METTL8: variants seen among roughly 807,000 people sequenced by gnomAD.
METTL8 encodes the protein tRNA N(3)-cytidine methyltransferase METTL8, mitochondrial.
A neutral mutation model predicts 48.7 loss-of-function variants in METTL8; 32 were observed. The observed-to-expected ratio is 0.66, with a 90% CI of 0.50 to 0.88. The LOEUF is 0.88. METTL8 is among the 40% of genes least tolerant of loss of function. The pLI, the probability that METTL8 is intolerant of heterozygous loss-of-function variation, is 0.00. For synonymous variants in METTL8, 136 were observed against 157.1 expected, an observed-to-expected ratio of 0.87 and a Z score of 1.01; for missense variants, 464 against 474.4, an observed-to-expected ratio of 0.98 and a Z score of 0.20.
At position 171,324,379 on chromosome 2, in the gene METTL8, G is replaced by A; in HGVS notation, c.1034-17C>T. 6.5e-7 allele frequency: 1 copy of A among 1,548,696 alleles called. No homozygotes were observed. Among genetic ancestry groups the A allele is most frequent in the Non-Finnish European group, 8.7e-7 (1 of 1,145,708 alleles). On this transcript the variant is annotated splice_polypyrimidine_tract_variant and intron_variant, in intron 9 of 9. Transcript: ENST00000375258. ...GGACTTCCCCTGTGAGACAAAAATG[G>A]CAATAAAAGATATGACATGTGACTA...
intron 1 of METTL8, among the ~76,000 whole-genome samples, chr2:171,395,101 C>A (rs1334655488): frequency 6.6e-6 from 1 of 152,210 alleles, no homozygotes; most frequent in Non-Finnish European, 1.5e-5. Context: ...AGGTTTCTGC[C>A]ACCAGAATGA....
intron 2 of METTL8, among the ~76,000 whole-genome samples, chr2:171,376,769 G>T (rs966176704): frequency 6.6e-6 from 1 of 151,984 alleles, no homozygotes; most frequent in South Asian, 2.1e-4. Flanking sequence ...AAAAATTACC[G>T]TACTGCCAAA....
intron 1 of METTL8, among the ~76,000 whole-genome samples, chr2:171,426,277 G>A (rs113860372): frequency 0.01 from 1,545 of 152,174 alleles, 28 homozygotes; most frequent in African/African-American, 0.035. Context: ...AAACATGAAT[G>A]AATTACAGGT....
intron 7 of METTL8, among the ~76,000 whole-genome samples, chr2:171,328,016 G>A (rs1345076454): frequency 6.6e-6 from 1 of 152,116 alleles, no homozygotes. Context: ...CTGGGGTTGA[G>A]GATAAAGGCA....
chr2:171,398,778 G>C (rs1286734647), intron 1 of METTL8, among the ~76,000 whole-genome samples: 4 of 152,098 alleles, frequency 2.6e-5, no homozygotes, highest in Non-Finnish European at 4.4e-5. Flanking sequence ...CCACTTCACT[G>C]TGTATATGTA....
Position 171,317,121 on chromosome 2 carries a change from G to A in METTL8, c.*7051C>T, listed in dbSNP as rs922038948. On this transcript the variant is annotated 3_prime_UTR_variant, in exon 10 of 10. Transcript: ENST00000375258. ...CCACTAATGCAGTGGACTCAGCAGC[G>A]GGCTCATTGCTAATTTTAGGAAGTC... is the stretch of plus-strand genomic sequence containing the variant. Among the ~76,000 whole-genome samples the A allele has an allele frequency of 2.0e-5, 3 of 152,106 alleles. No individual in the cohort carries two copies. The highest frequency in any genetic ancestry group is 6.5e-5 in the Admixed American group (1 of 15,268).
At chr2:171,326,000 T>A (rs763719785) in intron 8 of METTL8, 42 bp downstream of exon 8, 42 of 1,374,428 alleles carry the variant, frequency 3.1e-5, no homozygotes, top group South Asian at 7.7e-5. Context: ...AAGGCATTCT[T>A]TAGAACATTT....
intron 2 of METTL8, among the ~76,000 whole-genome samples, chr2:171,361,415 G>T (rs1473556423): frequency 6.6e-6 from 1 of 152,102 alleles, no homozygotes; most frequent in Non-Finnish European, 1.5e-5. Context: ...TATGATATAT[G>T]TAGTAGTCAC....
chr2:171,324,133 C>A lies in METTL8; in HGVS notation c.*39G>T. ...TAGACTTACAGTAGTCCTTGAATAG[C>A]ACAGTCCTCTGGCTTTGTACCTTAA... On this transcript the variant is annotated 3_prime_UTR_variant, in exon 10 of 10. Coordinates refer to ENST00000375258, the MANE Select transcript of METTL8 (RefSeq NM_001321154.2). 1 of 1,399,466 alleles carries A rather than the reference C, an allele frequency of 7.1e-7. No homozygotes were observed. The highest frequency in any genetic ancestry group is 9.8e-7 in the Non-Finnish European group (1 of 1,021,620). The allele number at this position is 1,399,466 out of a possible 1,614,324, so 86.7% of individuals were successfully genotyped here.
chr2:171,317,545 A>T lies in METTL8; in HGVS notation c.*6627T>A, dbSNP rs1334502997. The T allele has an allele frequency of 6.6e-6, 1 of 152,260 alleles. No individual in the cohort carries two copies. The highest frequency in any genetic ancestry group is 1.5e-5 in the Non-Finnish European group (1 of 68,052). 9.4% of individuals were successfully genotyped at this position (152,260 alleles called of 1,614,324 possible). ...GACCCAGATCACTGGGATGCCAAGG[A>T]CACAGCTAGCTGGACACTATTTGAA... On this transcript the variant is annotated 3_prime_UTR_variant, in exon 10 of 10. Coordinates refer to ENST00000375258, the MANE Select transcript of METTL8 (RefSeq NM_001321154.2).
intron 2 of METTL8, among the ~76,000 whole-genome samples, chr2:171,379,444 C>G (rs1299796483): frequency 1.4e-5 from 2 of 147,506 alleles, no homozygotes; most frequent in African/African-American, 5.1e-5. Context: ...CACAAAAAAC[C>G]CTTAAAAAAA....
At position 171,319,775 on chromosome 2, in the gene METTL8, A is replaced by G. The variant is rs1162613843; in HGVS notation, c.*4397T>C. On this transcript the variant is annotated 3_prime_UTR_variant, in exon 10 of 10. Coordinates refer to ENST00000375258, the MANE Select transcript of METTL8 (RefSeq NM_001321154.2). ...TCACAACCTTCGGAAACAGTTCCTC[A>G]TGTGTGAGAATTTTTACATTTGGAC... 3.3e-5 allele frequency: 5 copies of G among 152,234 alleles called. No individual in the cohort carries two copies. The highest frequency in any genetic ancestry group is 9.6e-5 in the African/African-American group (4 of 41,464). 9.4% of individuals were successfully genotyped at this position (152,234 alleles called of 1,614,324 possible). A position where few individuals can be genotyped will look rare whatever the true frequency, so the allele number is the denominator to read the frequency against.
chr2:171,346,105 T>C (rs899718163), intron 3 of METTL8, among the ~76,000 whole-genome samples: 1 of 152,186 alleles, frequency 6.6e-6, no homozygotes, highest in Non-Finnish European at 1.5e-5. Flanking sequence ...CACAGCTCAG[T>C]GCAGCCTTGA....
At chr2:171,343,597 A>C (rs1404642716) in intron 3 of METTL8, among the ~76,000 whole-genome samples, 3 of 152,168 alleles carry the variant, frequency 2.0e-5, no homozygotes, top group Non-Finnish European at 4.4e-5. Context: ...AATGATAACA[A>C]TTTAATCATT....
intron 2 of METTL8, among the ~76,000 whole-genome samples, chr2:171,382,089 CT>C (rs2105533011): frequency 6.6e-6 from 1 of 152,166 alleles, no homozygotes; most frequent in South Asian, 2.1e-4. Context: ...GCCAGGAATG[CT>C]TTTACACTGT....
intron 1 of METTL8, among the ~76,000 whole-genome samples, chr2:171,415,567 G>A (rs1210654290): frequency 1.3e-5 from 2 of 151,940 alleles, no homozygotes; most frequent in Non-Finnish European, 2.9e-5. Context: ...GGCCAGGCTG[G>A]TCTTGAACTC....
intron 1 of METTL8, among the ~76,000 whole-genome samples, chr2:171,430,583 G>A (rs763817186): frequency 3.9e-5 from 6 of 152,176 alleles, no homozygotes; most frequent in Non-Finnish European, 8.8e-5. Context: ...GTTCGGAGCT[G>A]CTGAAAGAAT....
chr2:171,415,397 G>A (rs1364344921), intron 1 of METTL8, among the ~76,000 whole-genome samples: 1 of 135,642 alleles, frequency 7.4e-6, no homozygotes, highest in Non-Finnish European at 1.5e-5. Context: ...CTGTTGCCCA[G>A]GCTGGAGTGC....
At chr2:171,369,749 A>G (rs370297405) in intron 2 of METTL8, among the ~76,000 whole-genome samples, 66 of 152,322 alleles carry the variant, frequency 4.3e-4, no homozygotes, top group Middle Eastern at 3.4e-3. Context: ...ATGCCAGTAG[A>G]GGAAGTAAAA....
Sources: gnomAD v4.1 joint callset for allele counts (sites outside exome capture counted in the v4.1 genomes callset) on GRCh38, gnomAD v4.1.1 for gene constraint, MANE v1.5 for transcripts, NCBI Gene and HGNC (gene_info 2026-07-23, HGNC 2026-07-21) for gene names.